Variants in OSBP2 observed in about 807,000 individuals in gnomAD.
OSBP2 encodes oxysterol-binding protein 2.
OSBP2 carries 66 observed loss-of-function variants against 96.0 expected under a neutral mutation model. The observed-to-expected ratio is 0.69, with a 90% CI of 0.56 to 0.84. The LOEUF is 0.84. OSBP2 is among the 40% of genes least tolerant of loss of function. The pLI is 0.00. For synonymous variants in OSBP2, 525 were observed against 520.9 expected (o/e 1.01, Z -0.11); for missense variants, 1,038 against 1,222.7 (o/e 0.85, Z 2.25).
chr22:30,746,846 C>T (rs2090007783), intron 2 of OSBP2, among the ~76,000 whole-genome samples: 1 of 152,066 alleles, frequency 6.6e-6, no homozygotes, highest in Non-Finnish European at 1.5e-5. Context: ...ATACCTAAGC[C>T]AAACAAAGAC....
chr22:30,816,885 G>C (rs576210990), intron 2 of OSBP2, among the ~76,000 whole-genome samples: 2 of 151,916 alleles, frequency 1.3e-5, no homozygotes, highest in Non-Finnish European at 2.9e-5. Context: ...ACAGGTGTAC[G>C]CACCACACCT....
chr22:30,853,546 T>C lies in OSBP2; in HGVS notation c.854-16883T>C, dbSNP rs1326270680. The stretch of plus-strand genomic sequence containing the variant: ...CTATTTTTTAATATTTAAAGGAGTT[T>C]TATTCTTGTTAACATATAATGAATC... On this transcript the variant is annotated intron_variant, in intron 2 of 13. Coordinates refer to ENST00000332585, the MANE Select transcript of OSBP2 (RefSeq NM_030758.4). 3.3e-5 allele frequency among the ~76,000 whole-genome samples: 5 copies of C among 152,310 alleles called. No homozygotes were observed. The East Asian group carries it at 9.6e-4, about 29-fold the overall frequency.
chr22:30,759,805 C>G (rs920234508), intron 2 of OSBP2, among the ~76,000 whole-genome samples: 10 of 152,170 alleles, frequency 6.6e-5, no homozygotes, highest in African/African-American at 2.2e-4. Context: ...TATTTCCACA[C>G]AATCTCTTCC....
intron 1 of OSBP2, among the ~76,000 whole-genome samples, chr22:30,729,753 C>T (rs1199535077): frequency 1.3e-5 from 2 of 152,056 alleles, no homozygotes; most frequent in Admixed American, 1.3e-4. Context: ...TGCCTGTAAT[C>T]CCAGTACTTT....
intron 1 of OSBP2, among the ~76,000 whole-genome samples, chr22:30,740,251 C>T (rs887595301): frequency 2.0e-5 from 3 of 152,142 alleles, no homozygotes; most frequent in Non-Finnish European, 4.4e-5. Context: ...AAGCTGTCTT[C>T]TTGTGCTGAG....
chr22:30,884,799 C>T (rs2039775734), intron 3 of OSBP2, among the ~76,000 whole-genome samples: 2 of 152,218 alleles, frequency 1.3e-5, no homozygotes, highest in African/African-American at 4.8e-5. Flanking sequence ...GTCTCGCTCC[C>T]ACTGCTGTCA....
intron 2 of OSBP2, among the ~76,000 whole-genome samples, chr22:30,784,423 A>T (rs890679954): frequency 6.0e-5 from 9 of 148,934 alleles, no homozygotes; most frequent in African/African-American, 2.0e-4. Flanking sequence ...CTGGCTGATT[A>T]AAAAAAAAAA....
intron 1 of OSBP2, among the ~76,000 whole-genome samples, chr22:30,712,716 C>T (rs2089373710): frequency 6.6e-6 from 1 of 152,158 alleles, no homozygotes; most frequent in Non-Finnish European, 1.5e-5. Flanking sequence ...TAAGGCCCAG[C>T]AACTTGCATC....
intron 2 of OSBP2, among the ~76,000 whole-genome samples, chr22:30,743,869 T>C (rs1214664749): frequency 6.6e-6 from 1 of 152,052 alleles, no homozygotes; most frequent in Non-Finnish European, 1.5e-5. Context: ...GCTTGTTAAC[T>C]CAGCTGGGCA....
intron 2 of OSBP2, among the ~76,000 whole-genome samples, chr22:30,777,747 T>C (rs2090454924): frequency 6.6e-6 from 1 of 151,994 alleles, no homozygotes; most frequent in Non-Finnish European, 1.5e-5. Context: ...CCAGGAGCAG[T>C]CAGGGAGAGT....
At chr22:30,855,283 GT>G (rs1430217709) in intron 2 of OSBP2, among the ~76,000 whole-genome samples, 2 of 152,072 alleles carry the variant, frequency 1.3e-5, no homozygotes, top group Non-Finnish European at 2.9e-5. Flanking sequence ...CTGTTCCTTT[GT>G]CTTTTGGCTT....
Position 30,815,186 on chromosome 22 carries a change from G to A in OSBP2, c.854-55243G>A, listed in dbSNP as rs536415866. Among the ~76,000 whole-genome samples the A allele has an allele frequency of 1.1e-4, 17 of 152,362 alleles. No individual in the cohort carries two copies. The South Asian group carries it at 2.5e-3, about 22-fold the overall frequency. On this transcript the variant is annotated intron_variant, in intron 2 of 13. Transcript: ENST00000332585. The stretch of plus-strand genomic sequence containing the variant: ...TAGTCCCAGCTACTGGGGAGGCTGA[G>A]GTGGGAGGACGGCTTGAGCCCAGGA...
At chr22:30,874,421 A>G (rs1320529062) in intron 3 of OSBP2, among the ~76,000 whole-genome samples, 1 of 152,168 alleles carries the variant, frequency 6.6e-6, no homozygotes, top group Non-Finnish European at 1.5e-5. Flanking sequence ...AAAAAAAAAG[A>G]AAAAAGAAAA....
chr22:30,810,784 TG>T, intron 2 of OSBP2, among the ~76,000 whole-genome samples: 1 of 152,224 alleles, frequency 6.6e-6, no homozygotes, highest in Non-Finnish European at 1.5e-5. Context: ...CAGGTTGGTC[TG>T]TGTGCACTGA....
intron 5 of OSBP2, among the ~76,000 whole-genome samples, chr22:30,888,609 T>C (rs1376098882): frequency 6.6e-6 from 1 of 152,076 alleles, no homozygotes; most frequent in Non-Finnish European, 1.5e-5. Flanking sequence ...AGGCCTGTAG[T>C]CCCAGCTACT....
intron 2 of OSBP2, among the ~76,000 whole-genome samples, chr22:30,855,901 C>G (rs2039068154): frequency 6.6e-6 from 1 of 152,220 alleles, no homozygotes; most frequent in Admixed American, 6.5e-5. Flanking sequence ...CATTTTCAGC[C>G]ATCGTCACAG....
intron 1 of OSBP2, among the ~76,000 whole-genome samples, chr22:30,702,865 C>T (rs538753883): frequency 6.6e-6 from 1 of 152,338 alleles, no homozygotes; most frequent in Admixed American, 6.5e-5. Context: ...TGGAGTAGTA[C>T]TTGCCACTGA....
chr22:30,894,196 T>G, intron 12 of OSBP2, 195 bp downstream of exon 12: 1 of 590,698 alleles, frequency 1.7e-6, no homozygotes, highest in Non-Finnish European at 3.0e-6. Context: ...TCAAACACTA[T>G]GCACAGACTT....
Position 30,890,995 on chromosome 22 carries a change from T to C in OSBP2, c.1869+22T>C. ...GCAGGTGAGGGGGCTAGGCTGGCAC[T>C]GGGTGGCGCCCACCCACACTCTGGC... On this transcript the variant is annotated intron_variant, in intron 8 of 13. Coordinates refer to ENST00000332585, the MANE Select transcript of OSBP2 (RefSeq NM_030758.4). This position sits in a 1 kb window ranked among gnomAD's most constrained non-coding sequence, Gnocchi z 4.4. 1 of 1,594,334 alleles carries C rather than the reference T, an allele frequency of 6.3e-7. No homozygotes were observed.
Sources: gnomAD v4.1 joint callset for allele counts (sites outside exome capture counted in the v4.1 genomes callset) on GRCh38, gnomAD v4.1.1 for gene constraint, Gnocchi (gnomAD v3.1) non-coding constraint, MANE v1.5 for transcripts, NCBI Gene and HGNC (gene_info 2026-07-23, HGNC 2026-07-21) for gene names.